The following PLCH1 variants were observed in gnomAD, a reference collection of about 807,000 sequenced individuals.
The protein encoded by PLCH1 is phospholipase C eta 1, also known as 1-phosphatidylinositol 4,5-bisphosphate phosphodiesterase eta-1.
A neutral mutation model predicts 126.7 loss-of-function variants in PLCH1; 60 were observed. That is an observed-to-expected ratio of 0.47 (90% CI 0.38 to 0.59). The LOEUF (loss-of-function observed/expected upper bound fraction) is 0.59. PLCH1 is among the 20% of genes least tolerant of loss of function. The pLI is 0.00. For synonymous variants in PLCH1, 719 were observed against 734.9 expected (o/e 0.98, Z 0.35); for missense variants, 1,723 against 2,040.0 (o/e 0.84, Z 2.99).
At chr3:155,532,828 G>A (rs1332267293) in intron 10 of PLCH1, among the ~76,000 whole-genome samples, 3 of 152,190 alleles carry the variant, frequency 2.0e-5, no homozygotes, top group Non-Finnish European at 4.4e-5. Context: ...GACTAATACA[G>A]TAGATTGGTA....
chr3:155,495,819 C>A (rs1716951765), intron 15 of PLCH1, among the ~76,000 whole-genome samples: 1 of 152,146 alleles, frequency 6.6e-6, no homozygotes, highest in African/African-American at 2.4e-5. Flanking sequence ...CTAGTTTAGA[C>A]CCTTTCCTTA....
intron 2 of PLCH1, among the ~76,000 whole-genome samples, chr3:155,623,361 C>T (rs1003241050): frequency 2.0e-5 from 3 of 151,802 alleles, no homozygotes; most frequent in Admixed American, 1.3e-4. Context: ...GAAGCAAGAG[C>T]AAACAAATTC....
intron 12 of PLCH1, among the ~76,000 whole-genome samples, chr3:155,510,747 G>A (rs1225663884): frequency 3.7e-5 from 4 of 108,898 alleles, no homozygotes; most frequent in Admixed American, 9.1e-5. Flanking sequence ...ATGGGCTTTC[G>A]TTTGAGGGTA....
intron 2 of PLCH1, among the ~76,000 whole-genome samples, chr3:155,677,174 C>G (rs983675648): frequency 6.6e-6 from 1 of 152,174 alleles, no homozygotes; most frequent in African/African-American, 2.4e-5. Flanking sequence ...TGTCCCTCAC[C>G]CACCTGTGGC....
At chr3:155,706,293 C>T (rs1746663079) in intron 1 of PLCH1, among the ~76,000 whole-genome samples, 1 of 151,688 alleles carries the variant, frequency 6.6e-6, no homozygotes, top group African/African-American at 2.4e-5. Context: ...TGAAATCAGC[C>T]TGGCCAATTG....
rs184087031 is a variant in PLCH1, at chr3:155,530,825, C to T, written c.1363-6821G>A. Among the ~76,000 whole-genome samples the T allele has an allele frequency of 1.6e-4, 24 of 152,276 alleles. No homozygotes were observed. In the South Asian group the frequency reaches 4.6e-3, roughly 29 times the overall value. On this transcript the variant is annotated intron_variant, in intron 10 of 22. Coordinates refer to ENST00000460012, the MANE Select transcript of PLCH1 (RefSeq NM_014996.4). ...TTATCAAAGGAATCACTATTTATGG[C>T]AGTTATAGGCTTACAAAGTATATTT...
At chr3:155,676,384 T>C in intron 2 of PLCH1, 1 of 1,031,534 alleles carries the variant, frequency 9.7e-7, no homozygotes, top group South Asian at 4.6e-5. Context: ...CATGCATGCT[T>C]CGTGCAGCGC....
At chr3:155,590,879 A>G (rs1030389052) in intron 4 of PLCH1, among the ~76,000 whole-genome samples, 1 of 151,966 alleles carries the variant, frequency 6.6e-6, no homozygotes, top group African/African-American at 2.4e-5. Context: ...ACTATTCATC[A>G]ATTTATTATT....
chr3:155,620,315 C>T (rs1736305336), intron 2 of PLCH1, among the ~76,000 whole-genome samples: 1 of 152,194 alleles, frequency 6.6e-6, no homozygotes, highest in South Asian at 2.1e-4. Flanking sequence ...CACATACTAA[C>T]GTATGCACGT....
At position 155,481,466 on chromosome 3, in the gene PLCH1, G is replaced by T; in HGVS notation, c.4560C>A (p.Gly1520=). ...CTAACGACTTTGTCTTCACAGTCAC[G>T]CCCTTCTTGTCTCTAATGCCAGTTG... The part of the protein sequence containing the change: ...FVTTGIRDKK[G]VTVKTKSLEP... The change falls in exon 23 of 23, where the codon GGC becomes GGA. Residue 1520 remains glycine (G), a synonymous_variant. Transcript: ENST00000460012. The surrounding 1 kb of genome is among the most constrained non-coding windows in gnomAD (Gnocchi z 4.2). The T allele has an allele frequency of 6.2e-7, 1 of 1,614,138 alleles. No individual in the cohort carries two copies. The highest frequency in any genetic ancestry group is 8.5e-7 in the Non-Finnish European group (1 of 1,180,026).
At chr3:155,679,034 T>A (rs1204652969) in intron 2 of PLCH1, among the ~76,000 whole-genome samples, 1 of 152,114 alleles carries the variant, frequency 6.6e-6, no homozygotes, top group African/African-American at 2.4e-5. Flanking sequence ...GTGTAATAGG[T>A]AAAAGCAATG....
chr3:155,668,371 A>G (rs183312031), intron 2 of PLCH1, among the ~76,000 whole-genome samples: 7 of 152,330 alleles, frequency 4.6e-5, no homozygotes, highest in African/African-American at 1.7e-4. Flanking sequence ...ACTGACTCCA[A>G]GGTCTGACAG....
intron 1 of PLCH1, chr3:155,742,331 T>C (rs1749698223): frequency 6.6e-6 from 1 of 152,248 alleles, no homozygotes; most frequent in African/African-American, 2.4e-5. Flanking sequence ...ACTAGCCCTA[T>C]ATCTGAAAGA....
intron 2 of PLCH1, among the ~76,000 whole-genome samples, chr3:155,635,422 T>C (rs1738605759): frequency 6.6e-6 from 1 of 152,230 alleles, no homozygotes; most frequent in South Asian, 2.1e-4. Context: ...CAATGGTTAC[T>C]GATGATCCAT....
chr3:155,495,290 A>C (rs1716872829), intron 15 of PLCH1, among the ~76,000 whole-genome samples: 1 of 152,154 alleles, frequency 6.6e-6, no homozygotes, highest in African/African-American at 2.4e-5. Context: ...GACTCACAGA[A>C]GCTGCAAATT....
At chr3:155,620,459 G>GA in intron 2 of PLCH1, among the ~76,000 whole-genome samples, 1 of 152,236 alleles carries the variant, frequency 6.6e-6, no homozygotes, top group Non-Finnish European at 1.5e-5. Flanking sequence ...CAAGGAACAG[G>GA]AAAAAATGTC....
rs1325716753 is a variant in PLCH1 at position 155,485,544 on chromosome 3, T to G, written c.2786A>C (p.Gln929Pro). 1 of 1,614,108 alleles carries G rather than the reference T, an allele frequency of 6.2e-7. No homozygotes were observed. The highest frequency in any genetic ancestry group is 8.5e-7 in the Non-Finnish European group (1 of 1,180,040). ...AGAATCCTTTATCTCCACCATTTCTTGGAAGCCCATTTTGCTCTTTTTCCT... is the reference window on the plus strand; with the variant it reads ...AGAATCCTTTATCTCCACCATTTCTGGGAAGCCCATTTTGCTCTTTTTCCT... ...KGRKKSKMGF[Q>P]EMVEIKDSVS... is the part of the protein sequence containing the mutation. The change falls in exon 22 of 23, where the codon CAA becomes CCA. Residue 929 changes from glutamine (Q) to proline (P), a missense_variant. This residue lies in a region of PLCH1 where 947 missense variants were observed against 977.1 expected (regional missense o/e 0.97). Transcript: ENST00000460012.
chr3:155,600,117 A>T (rs1004898513), intron 2 of PLCH1, among the ~76,000 whole-genome samples: 2 of 152,196 alleles, frequency 1.3e-5, no homozygotes, highest in Non-Finnish European at 2.9e-5. Flanking sequence ...AGAGTCATCT[A>T]ACTTACTTTT....
intron 4 of PLCH1, among the ~76,000 whole-genome samples, chr3:155,590,112 G>A (rs188035142): frequency 2.0e-5 from 3 of 152,122 alleles, no homozygotes; most frequent in African/African-American, 4.8e-5. Flanking sequence ...AATAAGTTAC[G>A]CTCTAGACTG....
Sources: allele counts gnomAD v4.1 joint callset (sites outside exome capture counted in the v4.1 genomes callset), GRCh38; gene constraint gnomAD v4.1.1; regional missense constraint gnomAD v4.1.1; non-coding constraint Gnocchi (gnomAD v3.1); transcripts MANE v1.5; gene names NCBI Gene and HGNC (gene_info 2026-07-23, HGNC 2026-07-21).